The following CADM2 variants were observed in gnomAD, a reference collection of about 807,000 sequenced individuals.
CADM2 encodes cell adhesion molecule 2.
A neutral mutation model predicts 49.8 loss-of-function variants in CADM2; 12 were observed. That is an observed-to-expected ratio of 0.24 (90% CI 0.15 to 0.39). The LOEUF (loss-of-function observed/expected upper bound fraction) is 0.39. CADM2 is among the 10% of genes least tolerant of loss of function. CADM2 has a pLI of 1.00. For missense variants in CADM2, 378 were observed against 492.3 expected (o/e 0.77, Z 2.20); for synonymous variants, 214 against 175.4 (o/e 1.22, Z -1.74).
intron 3 of CADM2, among the ~76,000 whole-genome samples, chr3:85,814,846 T>C: frequency 6.6e-6 from 1 of 152,090 alleles, no homozygotes; most frequent in African/African-American, 2.4e-5. Flanking sequence ...AAAATACTTC[T>C]ATACAAACTT....
chr3:86,010,181 T>C (rs968808759), intron 8 of CADM2, among the ~76,000 whole-genome samples: 29 of 152,074 alleles, frequency 1.9e-4, no homozygotes, highest in Admixed American at 2.0e-4. Context: ...GAAAAACATA[T>C]AGGGAATTAC....
At chr3:85,227,674 C>G (rs1246249983) in intron 1 of CADM2, among the ~76,000 whole-genome samples, 1 of 152,062 alleles carries the variant, frequency 6.6e-6, no homozygotes, top group Non-Finnish European at 1.5e-5. Context: ...TTGATCCTGT[C>G]ATTATGATAC....
At chr3:85,625,042 T>G (rs2107502029) in intron 1 of CADM2, among the ~76,000 whole-genome samples, 1 of 152,186 alleles carries the variant, frequency 6.6e-6, no homozygotes, top group South Asian at 2.1e-4. Flanking sequence ...ACAGACAAAT[T>G]ACTCTCCTCA....
intron 1 of CADM2, among the ~76,000 whole-genome samples, chr3:85,061,466 G>GA (rs765516926): frequency 1.0e-3 from 153 of 152,102 alleles, no homozygotes; most frequent in Admixed American, 1.8e-3. Context: ...AACATTTGGG[G>GA]AAAAACAGTT....
chr3:85,928,863 A>C (rs1720245667), intron 6 of CADM2, among the ~76,000 whole-genome samples: 1 of 152,190 alleles, frequency 6.6e-6, no homozygotes, highest in Non-Finnish European at 1.5e-5. Flanking sequence ...CAATCGAGTA[A>C]GTTAATATAT....
intron 1 of CADM2, among the ~76,000 whole-genome samples, chr3:85,702,137 C>T (rs900751035): frequency 2.6e-5 from 4 of 152,108 alleles, no homozygotes; most frequent in African/African-American, 9.7e-5. Context: ...CCTGCTTTAA[C>T]AAGCATGCTT....
At chr3:85,048,835 G>T (rs944466859) in intron 1 of CADM2, among the ~76,000 whole-genome samples, 6 of 152,108 alleles carry the variant, frequency 3.9e-5, no homozygotes, top group Admixed American at 1.3e-4. Flanking sequence ...CCAAAGTTTG[G>T]TATAGACTGG....
At chr3:85,769,406 TAC>T (rs1284739948) in intron 2 of CADM2, among the ~76,000 whole-genome samples, 25 of 106,782 alleles carry the variant, frequency 2.3e-4, no homozygotes, top group Admixed American at 9.0e-4. Flanking sequence ...AGTATATATA[TAC>T]ACGTATATAC....
At chr3:85,030,239 C>A (rs759796698) in intron 1 of CADM2, among the ~76,000 whole-genome samples, 2 of 152,188 alleles carry the variant, frequency 1.3e-5, no homozygotes, top group Non-Finnish European at 2.9e-5. Flanking sequence ...AGTCACACAA[C>A]CTTTCCTATG....
chr3:85,334,187 A>G (rs191019320), intron 1 of CADM2, among the ~76,000 whole-genome samples: 11 of 151,572 alleles, frequency 7.3e-5, no homozygotes, highest in Admixed American at 2.6e-4. Context: ...CTTGTAATCA[A>G]ATCTCTCCTG....
chr3:86,003,611 A>C (rs1730436823), intron 8 of CADM2, among the ~76,000 whole-genome samples: 1 of 152,250 alleles, frequency 6.6e-6, no homozygotes, highest in Admixed American at 6.5e-5. Context: ...CTTATCTATT[A>C]GTATTACCAG....
At chr3:85,495,307 C>T (rs2039842192) in intron 1 of CADM2, among the ~76,000 whole-genome samples, 1 of 152,094 alleles carries the variant, frequency 6.6e-6, no homozygotes, top group Non-Finnish European at 1.5e-5. Flanking sequence ...TGTAAGAAAT[C>T]ATAGGGGCAG....
intron 1 of CADM2, among the ~76,000 whole-genome samples, chr3:85,437,797 T>G (rs1559839810): frequency 1.3e-5 from 2 of 152,000 alleles, no homozygotes; most frequent in Non-Finnish European, 2.9e-5. Flanking sequence ...TTTCTAAATA[T>G]AAAACTCCAT....
chr3:86,003,334 C>A (rs1730401748), intron 8 of CADM2, among the ~76,000 whole-genome samples: 1 of 152,170 alleles, frequency 6.6e-6, no homozygotes, highest in South Asian at 2.1e-4. Context: ...GATGCTCCTG[C>A]TAGTTGCAAT....
At chr3:85,476,154 A>G (rs1161345159) in intron 1 of CADM2, among the ~76,000 whole-genome samples, 2 of 152,000 alleles carry the variant, frequency 1.3e-5, no homozygotes, top group Non-Finnish European at 2.9e-5. Flanking sequence ...AAGAGACCTG[A>G]CAAACTGAAA....
intron 1 of CADM2, among the ~76,000 whole-genome samples, chr3:85,520,411 A>C (rs902787108): frequency 3.9e-5 from 6 of 152,108 alleles, no homozygotes; most frequent in African/African-American, 1.4e-4. Context: ...AAATATATTA[A>C]TATTTTAGTC....
At chr3:85,920,240 A>C (rs937346775) in intron 6 of CADM2, among the ~76,000 whole-genome samples, 9 of 151,862 alleles carry the variant, frequency 5.9e-5, no homozygotes, top group African/African-American at 1.2e-4. Flanking sequence ...ATGAAATGCT[A>C]ATTATCTAAT....
intron 1 of CADM2, among the ~76,000 whole-genome samples, chr3:85,470,685 A>G (rs967836155): frequency 1.3e-5 from 2 of 152,174 alleles, no homozygotes; most frequent in Non-Finnish European, 2.9e-5. Flanking sequence ...TCATTCAACT[A>G]TTTAAGGAAT....
intron 1 of CADM2, among the ~76,000 whole-genome samples, chr3:85,219,991 G>A (rs917706458): frequency 6.6e-6 from 1 of 152,086 alleles, no homozygotes; most frequent in South Asian, 2.1e-4. Context: ...ATATTAGGAG[G>A]TATAATGGAG....
Sources: gnomAD v4.1 joint callset for allele counts (sites outside exome capture counted in the v4.1 genomes callset) on GRCh38, gnomAD v4.1.1 for gene constraint, MANE v1.5 for transcripts, NCBI Gene and HGNC (gene_info 2026-07-23, HGNC 2026-07-21) for gene names.